Variants in UNC5A observed in about 807,000 individuals in gnomAD.
UNC5A encodes netrin receptor UNC5A.
In UNC5A, 20 loss-of-function variants were observed where a neutral mutation model predicts 87.4. The ratio of observed to expected loss-of-function variants is 0.23; its 90% CI spans 0.16 to 0.33. UNC5A has a LOEUF of 0.33. Ranked by LOEUF, UNC5A falls within the 10% of genes least tolerant of loss-of-function variation. The probability of loss-of-function intolerance (pLI) is 1.00; values close to 1 mark genes in which losing one functional copy is unlikely to be tolerated. For missense variants in UNC5A, 844 were observed against 1,133.4 expected (o/e 0.74, Z 3.67); for synonymous variants, 438 against 482.3 (o/e 0.91, Z 1.20).
chr5:176,826,331 A>G lies in UNC5A; in HGVS notation c.70+15511A>G, dbSNP rs138686542. Among the ~76,000 whole-genome samples, 231 of 152,332 alleles carry G rather than the reference A, an allele frequency of 1.5e-3. 1 individual carries two copies. The highest frequency in any genetic ancestry group is 5.2e-3 in the African/African-American group (218 of 41,576). On this transcript the variant is annotated intron_variant, in intron 1 of 14. Coordinates refer to ENST00000329542, the MANE Select transcript of UNC5A (RefSeq NM_133369.3). ...CATGGAGCGGATCCTGAGGCCTGGG[A>G]CAGGGGCAAGGGTAGAAGCCATGGG...
intron 1 of UNC5A, among the ~76,000 whole-genome samples, chr5:176,819,792 T>C (rs1756684227): frequency 6.6e-6 from 1 of 152,200 alleles, no homozygotes; most frequent in African/African-American, 2.4e-5. Flanking sequence ...CCCAGGCTAT[T>C]TGCTACTCCT....
At position 176,824,531 on chromosome 5, in the gene UNC5A, C is replaced by T. The variant is rs1449454283; in HGVS notation, c.70+13711C>T. Reference sequence around the variant, plus strand: ...AGGTGGCAGCAGGCAGGGCATTTAGCCCCCACGCGGCAGATAGAACATTCT... The same window carrying T: ...AGGTGGCAGCAGGCAGGGCATTTAGTCCCCACGCGGCAGATAGAACATTCT... On this transcript the variant is annotated intron_variant, in intron 1 of 14. Coordinates refer to ENST00000329542, the MANE Select transcript of UNC5A (RefSeq NM_133369.3). The surrounding 1 kb of genome is among the most constrained non-coding windows in gnomAD (Gnocchi z 4.2). Among the ~76,000 whole-genome samples the T allele has an allele frequency of 6.6e-6, 1 of 151,826 alleles. No individual in the cohort carries two copies. Among genetic ancestry groups the T allele is most frequent in the Non-Finnish European group, 1.5e-5 (1 of 67,948 alleles).
chr5:176,849,278 C>T (rs1757485674), intron 1 of UNC5A, among the ~76,000 whole-genome samples: 1 of 152,094 alleles, frequency 6.6e-6, no homozygotes, highest in South Asian at 2.1e-4. Context: ...TTCCAGCTTC[C>T]CTTGGGGAAA....
Position 176,878,032 on chromosome 5 carries a change from C to T in UNC5A, c.1774C>T (p.Arg592Cys). ...GGCCCTCAGCGTGGCTGCCGCCAAG[C>T]GCCTCAAGCTGCTTCTGTTTGCGCC... ...GEALSVAAAK[R>C]LKLLLFAPVA... The change falls in exon 11 of 15, where the codon CGC becomes TGC. Residue 592 changes from arginine (R) to cysteine (C), a missense_variant. Around this residue, in one of 3 missense-constraint regions of UNC5A, gnomAD observed 353 missense variants for 387.5 expected, o/e 0.91. Transcript: ENST00000329542. 2.5e-6 allele frequency: 4 copies of T among 1,608,700 alleles called. No individual in the cohort carries two copies. The highest frequency in any genetic ancestry group is 3.4e-6 in the Non-Finnish European group (4 of 1,179,948).
chr5:176,859,672 G>C (rs112404308), intron 1 of UNC5A, among the ~76,000 whole-genome samples: 4 of 101,626 alleles, frequency 3.9e-5, no homozygotes, highest in South Asian at 3.9e-4. Flanking sequence ...ATAGCTGCTA[G>C]AATGTCCTTG....
In UNC5A at chr5:176,838,830, A is replaced by G. The variant is rs7734818; in HGVS notation, c.71-23794A>G. Among the ~76,000 whole-genome samples, 6,006 of 152,316 alleles carry G rather than the reference A, an allele frequency of 0.039. 402 individuals carry two copies. Among genetic ancestry groups the G allele is most frequent in the African/African-American group, 0.14 (5,625 of 41,550 alleles). On this transcript the variant is annotated intron_variant, in intron 1 of 14. Transcript: ENST00000329542. This position sits in a 1 kb window ranked among gnomAD's most constrained non-coding sequence, Gnocchi z 4.2. ...ACCTCAGTGGCTGGCCCACATGCCC[A>G]TCTCAAACCAATCACCAGAGCCAGG...
chr5:176,855,595 C>G (rs1433904049), intron 1 of UNC5A, among the ~76,000 whole-genome samples: 1 of 152,216 alleles, frequency 6.6e-6, no homozygotes, highest in African/African-American at 2.4e-5. Context: ...CTGAGAATTG[C>G]ACGTGGCGAA....
chr5:176,867,315 C>T (rs975002857), intron 2 of UNC5A, among the ~76,000 whole-genome samples: 3 of 152,184 alleles, frequency 2.0e-5, no homozygotes, highest in Non-Finnish European at 1.5e-5. Context: ...TGCCTCAGGC[C>T]AGATATGGCA....
chr5:176,877,240 A>G lies in UNC5A; in HGVS notation c.1427A>G (p.Tyr476Cys). The change falls in exon 9 of 15, where the codon TAT (tyrosine) becomes TGT (cysteine). Residue 476 changes from tyrosine to cysteine, a missense_variant. Physicochemically the swap from Tyr to Cys is radical, Grantham distance 194. Around this residue, in one of 3 missense-constraint regions of UNC5A, gnomAD observed 353 missense variants for 387.5 expected, o/e 0.91. Transcript: ENST00000329542. ...GATGCCATACCCCGAGGGAAGATCT[A>G]TGAGATCTACCTCACGCTGCACAAG... ...PPDAIPRGKI[Y>C]EIYLTLHKPE... 1.2e-6 allele frequency: 2 copies of G among 1,612,692 alleles called. No homozygotes were observed. Among genetic ancestry groups the G allele is most frequent in the East Asian group, 2.2e-5 (1 of 44,844 alleles).
chr5:176,877,855 G>A (rs1758302053), intron 10 of UNC5A, 39 bp from the exon 11 acceptor site: 1 of 1,569,238 alleles, frequency 6.4e-7, no homozygotes, highest in African/African-American at 1.3e-5. Context: ...CTAGGGCTCT[G>A]AGGCTGGGCC....
Position 176,865,094 on chromosome 5 carries a change from C to T in UNC5A, c.292+2249C>T, listed in dbSNP as rs967231997. On this transcript the variant is annotated intron_variant, in intron 2 of 14. Transcript: ENST00000329542. This position sits in a 1 kb window ranked among gnomAD's most constrained non-coding sequence, Gnocchi z 5.3. ...GGTCGGGGGAAGCCATGAAATCTCACGTGCCCAGTCAGGACCCAGCACGGG... is the reference window on the plus strand; with the variant it reads ...GGTCGGGGGAAGCCATGAAATCTCATGTGCCCAGTCAGGACCCAGCACGGG... The T allele has an allele frequency of 1.5e-4, 49 of 333,074 alleles. No individual in the cohort carries two copies. The highest frequency in any genetic ancestry group is 8.1e-4 in the South Asian group (37 of 45,544). 20.6% of individuals were successfully genotyped at this position (333,074 alleles called of 1,614,324 possible).
At chr5:176,877,475 T>C in intron 9 of UNC5A, 60 bp from the exon 10 acceptor site, 1 of 1,536,148 alleles carries the variant, frequency 6.5e-7, no homozygotes, top group Non-Finnish European at 8.8e-7. Flanking sequence ...GGCCTAGCCC[T>C]CAGGACCCAG....
chr5:176,826,422 A>G (rs1290970886), intron 1 of UNC5A, among the ~76,000 whole-genome samples: 1 of 152,236 alleles, frequency 6.6e-6, no homozygotes, highest in Non-Finnish European at 1.5e-5. Context: ...CCCCAGGATC[A>G]AACAGTAACT....
At position 176,874,193 on chromosome 5, in the gene UNC5A, C is replaced by A. The variant is rs1181503314; in HGVS notation, c.1075+37C>A. The A allele has an allele frequency of 1.2e-6, 2 of 1,604,402 alleles. No individual in the cohort carries two copies. Among genetic ancestry groups the A allele is most frequent in the East Asian group, 4.5e-5 (2 of 44,656 alleles). Reference sequence around the variant, plus strand: ...CGTGCCCCCAGCACTCCTGCCCCAGCTCCCACGCCAAGGGCTGCTGGGGCA... The same window carrying A: ...CGTGCCCCCAGCACTCCTGCCCCAGATCCCACGCCAAGGGCTGCTGGGGCA... On this transcript the variant is annotated intron_variant, in intron 7 of 14. Coordinates refer to ENST00000329542, the MANE Select transcript of UNC5A (RefSeq NM_133369.3). The surrounding 1 kb of genome is among the most constrained non-coding windows in gnomAD (Gnocchi z 7.6).
At position 176,879,873 on chromosome 5, in the gene UNC5A, A is replaced by T; in HGVS notation, c.2516A>T (p.Glu839Val). Residue 839 changes from glutamate (E) to valine (V), a missense_variant, in exon 15 of 15, where the codon GAG (glutamate) becomes GTG (valine). Coordinates refer to ENST00000329542, the MANE Select transcript of UNC5A (RefSeq NM_133369.3). ...QPDAGLFTVS[E>V]AEC ...GACGCTGGCCTCTTCACAGTGTCGG[A>T]GGCTGAGTGCTGAGGCCGGCCAGGC... 1 of 1,611,518 alleles carries T rather than the reference A, an allele frequency of 6.2e-7. No homozygotes were observed. The highest frequency in any genetic ancestry group is 8.5e-7 in the Non-Finnish European group (1 of 1,179,552).
rs372590092 is a variant in UNC5A, at chr5:176,868,541, C to A, written c.437-20C>A. On this transcript the variant is annotated intron_variant, in intron 3 of 14. Coordinates refer to ENST00000329542, the MANE Select transcript of UNC5A (RefSeq NM_133369.3). ...TGTGCGAGGCCCTCAGACAGGAGGA[C>A]ACTCTCATTCCTCTTCTAGATTTGC... 8.4e-4 allele frequency: 1,324 copies of A among 1,581,226 alleles called. 2 individuals are homozygous for A. The highest frequency in any genetic ancestry group is 1.1e-3 in the Non-Finnish European group (1,260 of 1,164,010).
chr5:176,839,410 G>T (rs1757218010), intron 1 of UNC5A, among the ~76,000 whole-genome samples: 1 of 152,234 alleles, frequency 6.6e-6, no homozygotes, highest in African/African-American at 2.4e-5. Flanking sequence ...GCCTCCCAGG[G>T]CCCATGTGCA....
intron 3 of UNC5A, 100 bp from the exon 4 acceptor site, chr5:176,868,461 C>T (rs1758026442): frequency 6.9e-7 from 1 of 1,449,312 alleles, no homozygotes; most frequent in Non-Finnish European, 9.4e-7. Flanking sequence ...GGCACTTCCT[C>T]TGCCATGTGC....
At chr5:176,822,343 G>A (rs1756747617) in intron 1 of UNC5A, among the ~76,000 whole-genome samples, 1 of 152,222 alleles carries the variant, frequency 6.6e-6, no homozygotes, top group African/African-American at 2.4e-5. Context: ...AGGTATCAAG[G>A]GCAGGGCCTG....
Sources: gnomAD v4.1 joint callset for allele counts (sites outside exome capture counted in the v4.1 genomes callset) on GRCh38, gnomAD v4.1.1 for gene constraint, gnomAD v4.1.1 regional missense constraint, Gnocchi (gnomAD v3.1) non-coding constraint, MANE v1.5 for transcripts, NCBI Gene and HGNC (gene_info 2026-07-23, HGNC 2026-07-21) for gene names.